The following KIF18A variants were observed in gnomAD, a reference collection of about 807,000 sequenced individuals.
KIF18A encodes the protein kinesin family member 18A.
Under a neutral mutation model 103.3 loss-of-function variants are expected in KIF18A, and 67 were observed. That is an observed-to-expected ratio of 0.65 (90% CI 0.53 to 0.79). The LOEUF (loss-of-function observed/expected upper bound fraction) is 0.79, where lower values mean the gene tolerates loss of function less well. Ranked by LOEUF, KIF18A falls within the 30% of genes least tolerant of loss-of-function variation. KIF18A has a pLI of 0.00. For missense variants in KIF18A, 1,032 were observed against 1,062.5 expected (o/e 0.97, Z 0.40); for synonymous variants, 367 against 355.5 (o/e 1.03, Z -0.36).
intron 15 of KIF18A, among the ~76,000 whole-genome samples, chr11:28,035,172 G>A (rs1850468326): frequency 6.6e-6 from 1 of 151,402 alleles, no homozygotes; most frequent in South Asian, 2.1e-4. Flanking sequence ...TCTGTAATAT[G>A]AAATATTTTA....
At chr11:28,048,934 T>C (rs774487285) in intron 13 of KIF18A, among the ~76,000 whole-genome samples, 9 of 151,974 alleles carry the variant, frequency 5.9e-5, no homozygotes, top group African/African-American at 1.9e-4. Context: ...TAACAGAAGG[T>C]TGGGATACAA....
At chr11:28,049,280 A>C (rs997694675) in intron 13 of KIF18A, among the ~76,000 whole-genome samples, 2 of 151,994 alleles carry the variant, frequency 1.3e-5, no homozygotes, top group African/African-American at 4.8e-5. Flanking sequence ...GCTTTTGGAA[A>C]TATTTCACAG....
At position 28,098,013 on chromosome 11, in the gene KIF18A, TAA is replaced by T; in HGVS notation, c.-46-22_-46-21del. On this transcript the variant is annotated intron_variant, in intron 1 of 16. Coordinates refer to ENST00000263181, the MANE Select transcript of KIF18A (RefSeq NM_031217.4). ...ACTTCTCTGAAATTAAAAAAGAAAATAAAGTTTTAATATCAGTTTTTACTTTC... is the reference window on the plus strand; with the variant it reads ...ACTTCTCTGAAATTAAAAAAGAAAATAGTTTTAATATCAGTTTTTACTTTC... 1 of 1,248,488 alleles carries T rather than the reference TAA, an allele frequency of 8.0e-7. No individual in the cohort carries two copies. The highest frequency in any genetic ancestry group is 1.1e-6 in the Non-Finnish European group (1 of 904,936). The allele number at this position is 1,248,488 out of a possible 1,614,324, so 77.3% of individuals were successfully genotyped here.
intron 10 of KIF18A, 42 bp from the exon 11 acceptor site, chr11:28,069,465 T>C (rs1485341693): frequency 5.7e-6 from 9 of 1,566,394 alleles, no homozygotes; most frequent in Non-Finnish European, 7.9e-6. Context: ...ATTTTTATGA[T>C]ATTTGATGTA....
chr11:28,081,136 C>T (rs1006880478), intron 9 of KIF18A, among the ~76,000 whole-genome samples: 1 of 152,118 alleles, frequency 6.6e-6, no homozygotes, highest in Non-Finnish European at 1.5e-5. Context: ...AGAAAAAAAG[C>T]CTTCTCTAGA....
chr11:28,058,078 T>G (rs546048710), intron 13 of KIF18A, among the ~76,000 whole-genome samples: 4 of 152,002 alleles, frequency 2.6e-5, no homozygotes, highest in African/African-American at 9.7e-5. Context: ...CTGAGAAGAG[T>G]TGAAGGTGGC....
At chr11:28,104,030 T>C (rs1210529796) in intron 1 of KIF18A, among the ~76,000 whole-genome samples, 1 of 152,222 alleles carries the variant, frequency 6.6e-6, no homozygotes, top group Non-Finnish European at 1.5e-5. Context: ...TATTAAAATC[T>C]ATTTATCCTG....
intron 1 of KIF18A, among the ~76,000 whole-genome samples, chr11:28,099,559 T>A (rs909531934): frequency 6.6e-6 from 1 of 152,196 alleles, no homozygotes; most frequent in African/African-American, 2.4e-5. Context: ...AAACATTACA[T>A]TGTATCCTAT....
At chr11:28,024,211 A>AAAAC (rs1554968955) in intron 15 of KIF18A, among the ~76,000 whole-genome samples, 1 of 150,646 alleles carries the variant, frequency 6.6e-6, no homozygotes, top group Non-Finnish European at 1.5e-5. Context: ...AAAAAAAAAA[A>AAAAC]CTAAGCTCAT....
rs1446572589 is a variant in KIF18A at position 28,031,323 on chromosome 11, A to C, written c.2504+4064T>G. On this transcript the variant is annotated intron_variant, in intron 15 of 16. Coordinates refer to ENST00000263181, the MANE Select transcript of KIF18A (RefSeq NM_031217.4). ...ATAGACTGGATTAAGAAGATGTGGC[A>C]CATATACACCATGGAAGACTATGCA... is the stretch of plus-strand genomic sequence containing the variant. 3.9e-5 allele frequency among the ~76,000 whole-genome samples: 6 copies of C among 152,318 alleles called. No individual in the cohort carries two copies. The East Asian group carries it at 1.2e-3, about 29-fold the overall frequency.
intron 1 of KIF18A, among the ~76,000 whole-genome samples, chr11:28,106,215 A>C (rs868600739): frequency 6.6e-6 from 1 of 152,196 alleles, no homozygotes; most frequent in Non-Finnish European, 1.5e-5. Context: ...AACGGGTACA[A>C]ATCTAAAGTC....
chr11:28,098,408 G>A (rs1024487353), intron 1 of KIF18A, among the ~76,000 whole-genome samples: 6 of 152,154 alleles, frequency 3.9e-5, no homozygotes, highest in African/African-American at 1.4e-4. Flanking sequence ...AATAGAAAAG[G>A]ATCTCCCAGA....
rs758408462 is a variant in KIF18A, at chr11:28,097,735, A to C, written c.213T>G (p.Asp71Glu). The change falls in exon 2 of 17, where the codon GAT becomes GAG. Residue 71 changes from aspartate (D) to glutamate (E), a missense_variant. By Grantham distance (45) the Asp-to-Glu change is conservative. Transcript: ENST00000263181. ...AAACAGCATCAAATACAAATTTAAGATCCTTATTTTGTTTCTTTATAACAT... is the reference window on the plus strand; with the variant it reads ...AAACAGCATCAAATACAAATTTAAGCTCCTTATTTTGTTTCTTTATAACAT... ...NQNVIKKQNK[D>E]LKFVFDAVFD... 2.5e-6 allele frequency: 4 copies of C among 1,610,828 alleles called. No individual in the cohort carries two copies. Among genetic ancestry groups the C allele is most frequent in the Admixed American group, 3.3e-5 (2 of 59,774 alleles).
intron 13 of KIF18A, among the ~76,000 whole-genome samples, chr11:28,042,078 G>A (rs936820832): frequency 4.0e-5 from 6 of 151,696 alleles, no homozygotes; most frequent in Admixed American, 1.3e-4. Context: ...CACTCATAGA[G>A]ACTTGAGGCA....
At chr11:28,050,339 G>A (rs1850695447) in intron 13 of KIF18A, among the ~76,000 whole-genome samples, 1 of 151,736 alleles carries the variant, frequency 6.6e-6, no homozygotes, top group Non-Finnish European at 1.5e-5. Context: ...GATTTCCATT[G>A]TTTCATGATT....
At chr11:28,053,398 G>GA (rs545493306) in intron 13 of KIF18A, among the ~76,000 whole-genome samples, 13 of 148,374 alleles carry the variant, frequency 8.8e-5, no homozygotes, top group East Asian at 1.9e-4. Context: ...ATACAAATGT[G>GA]AAAAAAAAAA....
chr11:28,051,591 G>A (rs1162870055), intron 13 of KIF18A, among the ~76,000 whole-genome samples: 1 of 151,908 alleles, frequency 6.6e-6, no homozygotes, highest in Non-Finnish European at 1.5e-5. Context: ...GGCAGTAAGA[G>A]AGAGAAAAAA....
At chr11:28,059,536 A>T (rs893375037) in intron 12 of KIF18A, among the ~76,000 whole-genome samples, 1 of 152,080 alleles carries the variant, frequency 6.6e-6, no homozygotes, top group Non-Finnish European at 1.5e-5. Flanking sequence ...GCCTCACTTG[A>T]TCCTCCCACC....
intron 13 of KIF18A, among the ~76,000 whole-genome samples, chr11:28,056,153 C>T (rs1249284940): frequency 7.1e-6 from 1 of 140,574 alleles, no homozygotes; most frequent in East Asian, 2.0e-4. Flanking sequence ...ACAGATGAAA[C>T]CATCCATGTT....
Sources: allele counts gnomAD v4.1 joint callset (sites outside exome capture counted in the v4.1 genomes callset), GRCh38; gene constraint gnomAD v4.1.1; transcripts MANE v1.5; gene names NCBI Gene and HGNC (gene_info 2026-07-23, HGNC 2026-07-21).